Variants in HSP90AA1 observed in about 807,000 individuals in gnomAD.
The protein encoded by HSP90AA1 is heat shock protein 90 alpha family class A member 1.
In HSP90AA1, 18 loss-of-function variants were observed where a neutral mutation model predicts 73.3. That is an observed-to-expected ratio of 0.25 (90% CI 0.17 to 0.36). The LOEUF (loss-of-function observed/expected upper bound fraction) is 0.36. Among genes scored for constraint, HSP90AA1 ranks in the 10% least tolerant of loss-of-function variants. HSP90AA1 has a pLI of 1.00. For missense variants in HSP90AA1, 704 were observed against 874.2 expected (o/e 0.81, Z 2.45); for synonymous variants, 477 against 296.9 (o/e 1.61, Z -6.24).
intron 2 of HSP90AA1, among the ~76,000 whole-genome samples, chr14:102,093,246 C>G (rs929908580): frequency 2.7e-5 from 4 of 149,908 alleles, no homozygotes; most frequent in African/African-American, 9.8e-5. Context: ...TGCAGTGGCT[C>G]ACGCCTGTAA....
intron 2 of HSP90AA1, among the ~76,000 whole-genome samples, chr14:102,096,435 A>G (rs78783145): frequency 6.6e-6 from 1 of 152,154 alleles, no homozygotes; most frequent in Non-Finnish European, 1.5e-5. Flanking sequence ...CAGCAGCCCA[A>G]GGGTCTACGG....
intron 2 of HSP90AA1, among the ~76,000 whole-genome samples, chr14:102,096,651 G>A (rs968527358): frequency 1.3e-5 from 2 of 152,162 alleles, no homozygotes; most frequent in East Asian, 3.8e-4. Context: ...GTCTCAAGAC[G>A]CAGCACATGG....
In HSP90AA1 at chr14:102,095,443, T is replaced by G. The variant is rs561355038; in HGVS notation, c.366+6432A>C. Among the ~76,000 whole-genome samples the G allele has an allele frequency of 4.1e-4, 62 of 152,260 alleles. 1 individual carries two copies. The highest frequency in any genetic ancestry group is 1.5e-3 in the African/African-American group (62 of 41,548). ...GCCTCAGTCTGCATCCCCTGGCATC[T>G]GCTCTGAGTCAGGCAGGGGACAGAT... On this transcript the variant is annotated intron_variant, in intron 2 of 11. Coordinates refer to the HSP90AA1 transcript ENST00000334701.
chr14:102,114,986 A>ACAG (rs2049688317), intron 1 of HSP90AA1, among the ~76,000 whole-genome samples: 1 of 151,918 alleles, frequency 6.6e-6, no homozygotes, highest in Non-Finnish European at 1.5e-5. Context: ...TACAACAACA[A>ACAG]CAACAAAATT....
upstream of HSP90AA1, among the ~76,000 whole-genome samples, chr14:102,090,288 G>T (rs1333797029): frequency 6.6e-6 from 1 of 152,112 alleles, no homozygotes; most frequent in Non-Finnish European, 1.5e-5. Flanking sequence ...ACCAGGCCAG[G>T]TGTCCTGTCA....
rs200858775 is a variant in HSP90AA1, at chr14:102,118,413, AT to A, written c.156-16329del. 4.7e-3 allele frequency among the ~76,000 whole-genome samples: 681 copies of A among 146,324 alleles called. 10 individuals are homozygous for A. The East Asian group carries it at 0.049, about 11-fold the overall frequency. The stretch of plus-strand genomic sequence containing the variant: ...CTCCCCTTCATTACTTCTATTACTT[AT>A]TTTTTTTTTTAATTGAGATGGGGTC... On this transcript the variant is annotated intron_variant, in intron 1 of 11. Transcript: ENST00000334701.
chr14:102,136,566 T>TAAAA, intron 1 of HSP90AA1, among the ~76,000 whole-genome samples: 1 of 9,654 alleles, frequency 1.0e-4, no homozygotes, highest in African/African-American at 1.5e-4. Context: ...GAGACTCGTC[T>TAAAA]CAAAAAAAAA....
rs1402470925 is a variant in HSP90AA1, at chr14:102,081,327, A to G, written c.*385T>C. On this transcript the variant is annotated 3_prime_UTR_variant, in exon 11 of 11. Transcript: ENST00000216281. ...GAAAAGTTCAAAAAGTAGATCCTAC[A>G]AGATGTAACGAATACTTTTCTAAAC... is the stretch of plus-strand genomic sequence containing the variant. The G allele has an allele frequency of 3.1e-6, 1 of 326,414 alleles. No homozygotes were observed. Among genetic ancestry groups the G allele is most frequent in the Non-Finnish European group, 5.7e-6 (1 of 174,808 alleles). The allele number at this position is 326,414 out of a possible 1,614,324, so 20.2% of individuals were successfully genotyped here.
Position 102,112,546 on chromosome 14 carries a change from A to G in HSP90AA1, c.156-10461T>C, listed in dbSNP as rs975329937. Among the ~76,000 whole-genome samples, 6 of 151,650 alleles carry G rather than the reference A, an allele frequency of 4.0e-5. No individual in the cohort carries two copies. In the East Asian group the frequency reaches 1.2e-3, roughly 30 times the overall value. The stretch of plus-strand genomic sequence containing the variant: ...TAGCCTGGAGTGCAGTGGTGTGATC[A>G]TAGTTCACTGTAATCTTGAACTCCT... On this transcript the variant is annotated intron_variant, in intron 1 of 11. Coordinates refer to the HSP90AA1 transcript ENST00000334701.
chr14:102,133,534 A>T (rs912125717), intron 1 of HSP90AA1, among the ~76,000 whole-genome samples: 1 of 137,802 alleles, frequency 7.3e-6, no homozygotes, highest in Non-Finnish European at 1.5e-5. Context: ...CCCAGGCTGG[A>T]GTGCAATGGC....
Position 102,080,749 on chromosome 14 carries a change from A to C in HSP90AA1, c.*963T>G. 1 of 209,630 alleles carries C rather than the reference A, an allele frequency of 4.8e-6. No homozygotes were observed. The highest frequency in any genetic ancestry group is 9.7e-6 in the Non-Finnish European group (1 of 102,974). 13.0% of individuals were successfully genotyped at this position (209,630 alleles called of 1,614,324 possible). On this transcript the variant is annotated 3_prime_UTR_variant, in exon 11 of 11. Coordinates refer to ENST00000216281, the MANE Select transcript of HSP90AA1 (RefSeq NM_005348.4). ...ACTTTGAGACACTGTAAGGCCAAGGAATTAAGTGACTGTATTTAACACAGA... is the reference window on the plus strand; with the variant it reads ...ACTTTGAGACACTGTAAGGCCAAGGCATTAAGTGACTGTATTTAACACAGA...
chr14:102,082,930 AG>A (rs2049132760), intron 9 of HSP90AA1, 103 bp downstream of exon 9: 4 of 1,230,742 alleles, frequency 3.3e-6, no homozygotes, highest in Non-Finnish European at 4.8e-6. Context: ...CACACAACAT[AG>A]TTTTCTGTTT....
chr14:102,139,471 C>T, exon 1 of HSP90AA1: 11 of 1,454,248 alleles, frequency 7.6e-6, no homozygotes, highest in Non-Finnish European at 1.0e-5. Flanking sequence ...GGCGCTCTTC[C>T]TCCGCTCTTT....
At chr14:102,087,931 GTTTTTTTTTTTTTTTTTTTCTTT>G (rs890589492), upstream of HSP90AA1, among the ~76,000 whole-genome samples, 2 of 109,798 alleles carry the variant, frequency 1.8e-5, no homozygotes, top group Non-Finnish European at 3.4e-5. Flanking sequence ...GCCCTAAAAG[GTTTTTTTTTTTTTTTTTTTCTTT>G]TTTTTTTTTT....
exon 1 of HSP90AA1, chr14:102,139,448 T>C: frequency 1.3e-6 from 2 of 1,497,644 alleles, no homozygotes; most frequent in Non-Finnish European, 1.8e-6. Context: ...TCCGAAGCGG[T>C]GGCCGTCGGG....
chr14:102,133,063 T>G (rs887025427), intron 1 of HSP90AA1, among the ~76,000 whole-genome samples: 2 of 152,124 alleles, frequency 1.3e-5, no homozygotes, highest in African/African-American at 4.8e-5. Flanking sequence ...GTAGATCACC[T>G]GAGGTCAGGA....
intron 2 of HSP90AA1, among the ~76,000 whole-genome samples, chr14:102,097,879 G>A (rs1009991957): frequency 5.3e-5 from 8 of 152,040 alleles, no homozygotes; most frequent in East Asian, 3.9e-4. Context: ...TGGGCCTACC[G>A]GTCCTCTATA....
At chr14:102,129,308 G>A (rs1477543962) in intron 1 of HSP90AA1, among the ~76,000 whole-genome samples, 1 of 150,140 alleles carries the variant, frequency 6.7e-6, no homozygotes, top group Non-Finnish European at 1.5e-5. Context: ...ACGCCCACCT[G>A]GCTAGGTTTG....
At chr14:102,083,336 AAC>A (rs2049141202) in intron 8 of HSP90AA1, 34 bp from the exon 9 acceptor site, 2 of 1,606,536 alleles carry the variant, frequency 1.2e-6, no homozygotes, top group Non-Finnish European at 1.7e-6. Context: ...TAGACCTTTT[AAC>A]AGTTAAGAAT....
Sources: allele counts gnomAD v4.1 joint callset (sites outside exome capture counted in the v4.1 genomes callset), GRCh38; gene constraint gnomAD v4.1.1; transcripts MANE v1.5; gene names NCBI Gene and HGNC (gene_info 2026-07-23, HGNC 2026-07-21).